The following LARGE1 variants were observed in gnomAD, a reference collection of about 807,000 sequenced individuals.
LARGE1 encodes the protein LARGE xylosyl- and glucuronyltransferase 1.
LARGE1 carries 43 observed loss-of-function variants against 87.6 expected under a neutral mutation model. The observed-to-expected ratio is 0.49, with a 90% CI of 0.38 to 0.63. The LOEUF (loss-of-function observed/expected upper bound fraction) is 0.63. Ranked by LOEUF, LARGE1 falls within the 30% of genes least tolerant of loss-of-function variation. LARGE1 has a pLI of 0.00. For synonymous variants in LARGE1, 434 were observed against 394.6 expected (o/e 1.10, Z -1.18); for missense variants, 802 against 1,000.2 (o/e 0.80, Z 2.67).
At chr22:33,193,884 T>C (rs1404504512) in intron 11 of LARGE1, among the ~76,000 whole-genome samples, 1 of 143,438 alleles carries the variant, frequency 7.0e-6, no homozygotes, top group African/African-American at 2.5e-5. Context: ...ATATAATGTT[T>C]TATATATTAT....
rs192651888 is a variant in LARGE1 at position 33,463,799 on chromosome 22, A to G, written c.788-31534T>C. ...GTGATTCTCCTGCCTCAGCCTCCCT[A>G]GTAGCTAGGATTACAGGTGCCTGCT... On this transcript the variant is annotated intron_variant, in intron 6 of 14. Coordinates refer to ENST00000397394, the MANE Select transcript of LARGE1 (RefSeq NM_133642.5). Among the ~76,000 whole-genome samples, 672 of 152,132 alleles carry G rather than the reference A, an allele frequency of 4.4e-3. 5 individuals carry two copies. The highest frequency in any genetic ancestry group is 0.015 in the African/African-American group (633 of 41,494).
intron 4 of LARGE1, among the ~76,000 whole-genome samples, chr22:33,619,523 C>T (rs1299158001): frequency 6.7e-6 from 1 of 149,116 alleles, no homozygotes; most frequent in African/African-American, 2.5e-5. Flanking sequence ...CCACTGCACT[C>T]CAGCCTGGGT....
chr22:33,367,244 G>A (rs567920812), intron 9 of LARGE1, among the ~76,000 whole-genome samples: 203 of 152,132 alleles, frequency 1.3e-3, no homozygotes, highest in African/African-American at 4.7e-3. Context: ...GAATGAGTAA[G>A]TGGATCTGGA....
intron 1 of LARGE1, among the ~76,000 whole-genome samples, chr22:33,862,387 G>A (rs2063955663): frequency 1.3e-5 from 2 of 152,184 alleles, no homozygotes; most frequent in African/African-American, 2.4e-5. Flanking sequence ...GGTTATATCC[G>A]AACATCTTGA....
intron 1 of LARGE1, among the ~76,000 whole-genome samples, chr22:33,787,036 A>AG (rs2085670528): frequency 6.6e-6 from 1 of 151,880 alleles, no homozygotes; most frequent in Non-Finnish European, 1.5e-5. Flanking sequence ...AAAAAAAAAA[A>AG]AGAAAGAAAA....
At chr22:33,513,814 C>CACACACACACACAT (rs2071165588) in intron 6 of LARGE1, among the ~76,000 whole-genome samples, 1 of 122,186 alleles carries the variant, frequency 8.2e-6, no homozygotes, top group Non-Finnish European at 1.8e-5. Context: ...AGCTGATGTA[C>CACACACACACACAT]ACACACACAC....
At chr22:33,808,200 T>C (rs2086374935) in intron 1 of LARGE1, among the ~76,000 whole-genome samples, 1 of 152,242 alleles carries the variant, frequency 6.6e-6, no homozygotes, top group African/African-American at 2.4e-5. Context: ...GCCATTCTAA[T>C]AAGTGTGTAG....
intron 1 of LARGE1, among the ~76,000 whole-genome samples, chr22:33,890,614 C>T (rs555308963): frequency 3.9e-5 from 6 of 152,194 alleles, no homozygotes; most frequent in African/African-American, 1.4e-4. Flanking sequence ...TTTCAAAAAC[C>T]AAGAATCACT....
At chr22:33,370,902 CAATG>C (rs2064783625) in intron 9 of LARGE1, among the ~76,000 whole-genome samples, 1 of 148,776 alleles carries the variant, frequency 6.7e-6, no homozygotes, top group East Asian at 2.0e-4. Flanking sequence ...ATGGATATAA[CAATG>C]AATAGTATTC....
chr22:33,666,744 TCA>T (rs2081277804), intron 2 of LARGE1, among the ~76,000 whole-genome samples: 1 of 152,158 alleles, frequency 6.6e-6, no homozygotes, highest in East Asian at 1.9e-4. Context: ...AATGGTTAAT[TCA>T]CAGTTTCTCT....
At chr22:33,261,288 G>GT (rs961183625) in intron 11 of LARGE1, among the ~76,000 whole-genome samples, 1 of 152,118 alleles carries the variant, frequency 6.6e-6, no homozygotes, top group Admixed American at 6.5e-5. Context: ...GTTTCGCTTT[G>GT]TTTATCTATT....
chr22:33,616,050 T>C (rs971716600), intron 4 of LARGE1, among the ~76,000 whole-genome samples: 3 of 152,202 alleles, frequency 2.0e-5, no homozygotes, highest in Non-Finnish European at 4.4e-5. Flanking sequence ...GAACCCTCAA[T>C]GGTTACCGGT....
At chr22:33,793,838 C>T (rs910011511) in intron 1 of LARGE1, among the ~76,000 whole-genome samples, 1 of 151,634 alleles carries the variant, frequency 6.6e-6, no homozygotes, top group African/African-American at 2.4e-5. Context: ...CTGTCATAAT[C>T]ATACAAAGAG....
intron 7 of LARGE1, among the ~76,000 whole-genome samples, chr22:33,405,208 G>A (rs934054591): frequency 2.6e-5 from 4 of 152,192 alleles, no homozygotes; most frequent in African/African-American, 7.2e-5. Flanking sequence ...GCCAAGTGCC[G>A]TCTTTGCCAG....
At chr22:33,107,554 CAAAAA>C in the LARGE1 span, among the ~76,000 whole-genome samples, 2 of 148,772 alleles carry the variant, frequency 1.3e-5, no homozygotes, top group Non-Finnish European at 3.0e-5. Context: ...GACTTTGTCT[CAAAAA>C]AAATCATTTA....
At chr22:33,650,296 A>ACCCCT (rs2080752922) in intron 3 of LARGE1, 71 bp downstream of exon 3, 1 of 1,565,992 alleles carries the variant, frequency 6.4e-7, no homozygotes, top group Non-Finnish European at 8.8e-7. Flanking sequence ...TGTTTCCAGG[A>ACCCCT]GGCATTTGCA....
At chr22:33,268,800 T>C (rs1021740767), downstream of LARGE1, among the ~76,000 whole-genome samples, 1 of 152,194 alleles carries the variant, frequency 6.6e-6, no homozygotes, top group African/African-American at 2.4e-5. Flanking sequence ...ACTAAGTTAG[T>C]GACATATTAT....
chr22:33,549,297 T>C (rs1453850698), intron 6 of LARGE1, among the ~76,000 whole-genome samples: 3 of 152,228 alleles, frequency 2.0e-5, no homozygotes, highest in African/African-American at 2.4e-5. Flanking sequence ...TCTATGTATA[T>C]GCATTTAGGA....
intron 6 of LARGE1, 64 bp from the exon 7 acceptor site, chr22:33,432,329 A>T: frequency 8.2e-7 from 1 of 1,223,068 alleles, no homozygotes; most frequent in Non-Finnish European, 1.2e-6. Flanking sequence ...ATCAGTGACT[A>T]TTGAAGACAC....
Sources: allele counts gnomAD v4.1 joint callset (sites outside exome capture counted in the v4.1 genomes callset), GRCh38; gene constraint gnomAD v4.1.1; transcripts MANE v1.5; gene names NCBI Gene and HGNC (gene_info 2026-07-23, HGNC 2026-07-21).